Variants in DCBLD2 observed in about 807,000 individuals in gnomAD.
The protein encoded by DCBLD2 is discoidin, CUB and LCCL domain containing 2, also known as discoidin, CUB and LCCL domain-containing protein 2.
A neutral mutation model predicts 86.8 loss-of-function variants in DCBLD2; 54 were observed. That is an observed-to-expected ratio of 0.62 (90% confidence interval 0.50 to 0.78). The LOEUF is 0.78. Ranked by LOEUF, DCBLD2 falls within the 30% of genes least tolerant of loss-of-function variation. DCBLD2 has a pLI of 0.00. For synonymous variants in DCBLD2, 354 were observed against 341.3 expected (o/e 1.04, Z -0.41); for missense variants, 908 against 954.2 (o/e 0.95, Z 0.64).
chr3:98,820,410 G>T, intron 6 of DCBLD2, 122 bp from the exon 7 acceptor site: 1 of 649,354 alleles, frequency 1.5e-6, no homozygotes, highest in Non-Finnish European at 2.3e-6. Flanking sequence ...AAGACTGTGT[G>T]GCTAAAAATT....
Position 98,799,590 on chromosome 3 carries a change from T to G in DCBLD2, c.2110A>C (p.Thr704Pro). 6.2e-7 allele frequency: 1 copy of G among 1,613,978 alleles called. No homozygotes were observed. The highest frequency in any genetic ancestry group is 8.5e-7 in the Non-Finnish European group (1 of 1,179,872). The change falls in exon 16 of 16, where the codon ACG becomes CCG. Residue 704 changes from threonine (T) to proline (P), a missense_variant. Around this residue, in one of 3 missense-constraint regions of DCBLD2, gnomAD observed 606 missense variants for 678.5 expected, o/e 0.89. Coordinates refer to ENST00000326840, the MANE Select transcript of DCBLD2 (RefSeq NM_080927.4). ...ACTAGTGGGGGAGGTTGGTTCCCCG[T>G]AGCCTTGAAAGTGGATGTGGAGGGC... ...GQPSTSTFKATGNQPPPLVGT... is the reference protein window; with the variant it reads ...GQPSTSTFKAPGNQPPPLVGT...
intron 1 of DCBLD2, among the ~76,000 whole-genome samples, chr3:98,886,029 G>A (rs1197975164): frequency 6.6e-6 from 1 of 151,800 alleles, no homozygotes; most frequent in African/African-American, 2.4e-5. Flanking sequence ...GTTAAAGCTA[G>A]AAAATCTCAG....
intron 1 of DCBLD2, among the ~76,000 whole-genome samples, chr3:98,889,104 C>T (rs748096985): frequency 4.1e-4 from 62 of 152,068 alleles, no homozygotes; most frequent in Middle Eastern, 6.8e-3. Flanking sequence ...CTGATATCTT[C>T]GCTTTCTAGC....
At chr3:98,825,138 C>T (rs2107452171) in intron 4 of DCBLD2, among the ~76,000 whole-genome samples, 177 bp downstream of exon 4, 1 of 152,184 alleles carries the variant, frequency 6.6e-6, no homozygotes, top group Non-Finnish European at 1.5e-5. Flanking sequence ...AAAATGTAAA[C>T]ATGCAACTAA....
chr3:98,798,281 A>AT lies in DCBLD2; in HGVS notation c.*1090dup, dbSNP rs1476923639. On this transcript the variant is annotated 3_prime_UTR_variant, in exon 16 of 16. Transcript: ENST00000326840. ...TTATGGAAAACTGAAATGAAAAATT[A>AT]TTTTTTCTGACTAAAAATATAAAAT... 6.6e-6 allele frequency: 1 copy of AT among 152,194 alleles called. No individual in the cohort carries two copies. 9.4% of individuals were successfully genotyped at this position (152,194 alleles called of 1,614,324 possible).
intron 4 of DCBLD2, among the ~76,000 whole-genome samples, chr3:98,824,373 T>C (rs1479153457): frequency 2.0e-5 from 3 of 152,098 alleles, no homozygotes; most frequent in Non-Finnish European, 2.9e-5. Context: ...TGGCAGATCA[T>C]GGAGCTGGAG....
At chr3:98,821,788 C>T (rs1942122233) in intron 6 of DCBLD2, among the ~76,000 whole-genome samples, 1 of 152,150 alleles carries the variant, frequency 6.6e-6, no homozygotes, top group South Asian at 2.1e-4. Context: ...TGGGTCACGC[C>T]TGTAATCCCA....
At chr3:98,872,958 T>A (rs116389909) in intron 2 of DCBLD2, among the ~76,000 whole-genome samples, 251 of 152,220 alleles carry the variant, frequency 1.6e-3, no homozygotes, top group Admixed American at 6.5e-3. Flanking sequence ...TATGCAATAT[T>A]CAAGAAAGAC....
chr3:98,880,034 T>A (rs1943438682), intron 2 of DCBLD2, among the ~76,000 whole-genome samples: 1 of 152,186 alleles, frequency 6.6e-6, no homozygotes, highest in African/African-American at 2.4e-5. Context: ...CACAGTAAGT[T>A]TTTCTACATC....
intron 8 of DCBLD2, 104 bp downstream of exon 8, chr3:98,819,098 T>C (rs1276545861): frequency 6.3e-6 from 7 of 1,107,266 alleles, no homozygotes; most frequent in Non-Finnish European, 8.9e-6. Context: ...AACCATATAA[T>C]TACAATTTTA....
chr3:98,804,619 C>G (rs1308076401), intron 13 of DCBLD2, among the ~76,000 whole-genome samples: 1 of 152,130 alleles, frequency 6.6e-6, no homozygotes, highest in African/African-American at 2.4e-5. Flanking sequence ...TTCTCTAGTT[C>G]TTTTAATTGT....
intron 1 of DCBLD2, among the ~76,000 whole-genome samples, chr3:98,890,797 C>T (rs1169763148): frequency 6.6e-6 from 1 of 152,042 alleles, no homozygotes; most frequent in African/African-American, 2.4e-5. Context: ...GTTGATGTTG[C>T]TATTCTTCAG....
At chr3:98,809,553 G>A (rs1417764014) in intron 12 of DCBLD2, among the ~76,000 whole-genome samples, 1 of 152,170 alleles carries the variant, frequency 6.6e-6, no homozygotes, top group Admixed American at 6.5e-5. Context: ...CAAAAAGGGA[G>A]TTTCACTGGA....
chr3:98,822,488 G>T, intron 5 of DCBLD2, 127 bp from the exon 6 acceptor site: 1 of 1,313,384 alleles, frequency 7.6e-7, no homozygotes, highest in Non-Finnish European at 1.0e-6. Context: ...AACAAAAATA[G>T]ATTATTGGTA....
chr3:98,887,191 G>GTT (rs3073399), intron 1 of DCBLD2, among the ~76,000 whole-genome samples: 55,770 of 151,180 alleles, frequency 0.37, 11,223 homozygotes, highest in East Asian at 0.71. Context: ...AGTTTTCAAG[G>GTT]TTTTTTTTGG....
At chr3:98,846,959 T>C (rs1324251285) in intron 3 of DCBLD2, among the ~76,000 whole-genome samples, 1 of 152,084 alleles carries the variant, frequency 6.6e-6, no homozygotes, top group Non-Finnish European at 1.5e-5. Flanking sequence ...TGAATCAAAA[T>C]AAATAATTTA....
chr3:98,832,173 T>C (rs1942335697), intron 3 of DCBLD2, among the ~76,000 whole-genome samples: 1 of 152,248 alleles, frequency 6.6e-6, no homozygotes, highest in African/African-American at 2.4e-5. Context: ...CTTGTTGAAC[T>C]GAATGCTTTA....
chr3:98,811,198 G>A lies in DCBLD2; in HGVS notation c.1572C>T (p.Thr524=), dbSNP rs1450784385. 2 of 1,602,068 alleles carry A rather than the reference G, an allele frequency of 1.2e-6. No homozygotes were observed. The highest frequency in any genetic ancestry group is 3.5e-5 in the Admixed American group (2 of 57,034). Residue 524 remains threonine (T), a synonymous_variant, in exon 12 of 16, where the codon ACC becomes ACT. Coordinates refer to ENST00000326840, the MANE Select transcript of DCBLD2 (RefSeq NM_080927.4). ...IRNTTVTPNV[T]KDVALAAVLV... ...TTCATTTCCATGTTTGCATACCTTTGGTTACATTTGGAGTTACGGTAGTAT... is the reference window on the plus strand; with the variant it reads ...TTCATTTCCATGTTTGCATACCTTTAGTTACATTTGGAGTTACGGTAGTAT...
intron 3 of DCBLD2, 147 bp from the exon 4 acceptor site, chr3:98,825,513 A>G: frequency 4.8e-6 from 3 of 630,622 alleles, no homozygotes; most frequent in East Asian, 6.4e-5. Flanking sequence ...AACTTTGCCA[A>G]CTTTTGTTAA....
Sources: gnomAD v4.1 joint callset for allele counts (sites outside exome capture counted in the v4.1 genomes callset) on GRCh38, gnomAD v4.1.1 for gene constraint, gnomAD v4.1.1 regional missense constraint, MANE v1.5 for transcripts, NCBI Gene and HGNC (gene_info 2026-07-23, HGNC 2026-07-21) for gene names.